Variants in SUSD1 observed in about 807,000 individuals in gnomAD.
The protein encoded by SUSD1 is sushi domain containing 1.
A neutral mutation model predicts 86.9 loss-of-function variants in SUSD1; 65 were observed. That is an observed-to-expected ratio of 0.75 (90% CI 0.61 to 0.92). The LOEUF (loss-of-function observed/expected upper bound fraction) is 0.92, where lower values mean the gene tolerates loss of function less well. Ranked by LOEUF, SUSD1 falls within the 40% of genes least tolerant of loss-of-function variation. The pLI is 0.00. For synonymous variants in SUSD1, 346 were observed against 350.0 expected (o/e 0.99, Z 0.13); for missense variants, 850 against 929.7 (o/e 0.91, Z 1.11).
At chr9:112,052,530 C>A in intron 14 of SUSD1, 92 bp from the exon 15 acceptor site, 1 of 1,397,862 alleles carries the variant, frequency 7.2e-7, no homozygotes, top group South Asian at 1.2e-5. Context: ...TGAGTTTCAG[C>A]TTTTTCAATC....
chr9:112,120,186 A>T (rs939971436), intron 6 of SUSD1, among the ~76,000 whole-genome samples: 1 of 152,194 alleles, frequency 6.6e-6, no homozygotes, highest in Non-Finnish European at 1.5e-5. Flanking sequence ...TCATGTCTGT[A>T]GTCCCAGCTG....
chr9:112,149,426 A>C (rs781177581), intron 2 of SUSD1, 27 bp from the exon 3 acceptor site: 1 of 1,610,008 alleles, frequency 6.2e-7, no homozygotes, highest in Non-Finnish European at 8.5e-7. Flanking sequence ...AAGGCACCGG[A>C]AGAGCTATCA....
chr9:112,127,576 A>G (rs1323442352), intron 5 of SUSD1, among the ~76,000 whole-genome samples: 3 of 149,680 alleles, frequency 2.0e-5, no homozygotes, highest in Admixed American at 7.4e-5. Context: ...AACTTTTAAG[A>G]TCTATGTTCA....
At position 112,052,418 on chromosome 9, in the gene SUSD1, T is replaced by G; in HGVS notation, c.2130A>C (p.Ala710=). The G allele has an allele frequency of 1.2e-6, 2 of 1,614,126 alleles. No homozygotes were observed. Among genetic ancestry groups the G allele is most frequent in the Non-Finnish European group, 1.7e-6 (2 of 1,180,010 alleles). The change falls in exon 15 of 17, where the codon GCA becomes GCC. Residue 710 remains alanine (A), a synonymous_variant. Coordinates refer to ENST00000374270, the MANE Select transcript of SUSD1 (RefSeq NM_022486.5). ...EWNKVRRHSC[A]VWAQVKDSSL... Reference sequence around the variant, plus strand: ...TTTTACCTTTCACCTGAGCCCAAACTGCACAGGAGTGTCTTCTCACCTATA... The same window carrying G: ...TTTTACCTTTCACCTGAGCCCAAACGGCACAGGAGTGTCTTCTCACCTATA...
chr9:112,111,515 G>C (rs1171624438), intron 8 of SUSD1, 139 bp downstream of exon 8: 1 of 1,122,680 alleles, frequency 8.9e-7, no homozygotes, highest in Non-Finnish European at 1.3e-6. Context: ...CTCTAGTTCT[G>C]TGGCTGGAGC....
chr9:112,160,401 G>A lies in SUSD1; in HGVS notation c.104-2788C>T, dbSNP rs140764634. Among the ~76,000 whole-genome samples the A allele has an allele frequency of 4.5e-3, 678 of 152,052 alleles. 3 individuals are homozygous for A. The highest frequency in any genetic ancestry group is 0.015 in the African/African-American group (638 of 41,482). ...TCTCCTAAAAATACAAAAATTAGCC[G>A]GGCGCAGTGGCAGGCAGCTGTACTC... On this transcript the variant is annotated intron_variant, in intron 1 of 16. Coordinates refer to ENST00000374270, the MANE Select transcript of SUSD1 (RefSeq NM_022486.5).
chr9:112,149,495 C>T (rs911029459), intron 2 of SUSD1, 96 bp from the exon 3 acceptor site: 13 of 1,374,694 alleles, frequency 9.5e-6, no homozygotes, highest in African/African-American at 1.4e-5. Flanking sequence ...CGGGAACCAA[C>T]GTTCTGTGAC....
intron 10 of SUSD1, among the ~76,000 whole-genome samples, chr9:112,094,892 C>T (rs1809741126): frequency 6.6e-6 from 1 of 152,220 alleles, no homozygotes. Flanking sequence ...GTGTAGAATT[C>T]TTCAAGCATC....
rs1183053231 is a variant in SUSD1, at chr9:112,113,726, G to T, written c.887-858C>A. On this transcript the variant is annotated intron_variant, in intron 6 of 16. Coordinates refer to ENST00000374270, the MANE Select transcript of SUSD1 (RefSeq NM_022486.5). The surrounding 1 kb of genome is among the most constrained non-coding windows in gnomAD (Gnocchi z 4.1). ...GTTGGCGGATTACCTGAGCTCAGAA[G>T]TTTGAGACCAGCCTGGCCAACATAG... 1.3e-5 allele frequency among the ~76,000 whole-genome samples: 2 copies of T among 152,150 alleles called. No individual in the cohort carries two copies. The highest frequency in any genetic ancestry group is 4.8e-5 in the African/African-American group (2 of 41,440).
chr9:112,154,333 C>CAA (rs1205886713), intron 2 of SUSD1, among the ~76,000 whole-genome samples: 441 of 104,052 alleles, frequency 4.2e-3, no homozygotes, highest in African/African-American at 0.018. Context: ...CACACACACA[C>CAA]ACAAAAAAAA....
At position 112,062,997 on chromosome 9, in the gene SUSD1, T is replaced by C; in HGVS notation, c.1790A>G (p.His597Arg). 6.2e-7 allele frequency: 1 copy of C among 1,613,662 alleles called. No individual in the cohort carries two copies. The highest frequency in any genetic ancestry group is 8.5e-7 in the Non-Finnish European group (1 of 1,179,720). The change falls in exon 13 of 17, where the codon CAC (histidine) becomes CGC (arginine). Residue 597 changes from histidine (H) to arginine (R), a missense_variant. His to Arg is a conservative substitution (Grantham distance 29). Transcript: ENST00000374270. ...PLPEVEFFTV[H>R]RGPLPRLRLR... ...TCTGAGGCGTGGTAGAGGTCCTCTG[T>C]GCACCGTAAAAAATTCTACTTCCGG... is the stretch of plus-strand genomic sequence containing the variant.
At chr9:112,133,614 C>T (rs1041216211) in intron 5 of SUSD1, among the ~76,000 whole-genome samples, 1 of 152,134 alleles carries the variant, frequency 6.6e-6, no homozygotes, top group Non-Finnish European at 1.5e-5. Context: ...TGTAAGAATG[C>T]TGGAAGAAAA....
At chr9:112,098,024 T>C (rs1283846227) in intron 10 of SUSD1, among the ~76,000 whole-genome samples, 2 of 152,204 alleles carry the variant, frequency 1.3e-5, no homozygotes, top group African/African-American at 4.8e-5. Flanking sequence ...CAGGCCTCTG[T>C]TCTCTATGTC....
intron 13 of SUSD1, among the ~76,000 whole-genome samples, chr9:112,059,832 C>T (rs1267717566): frequency 6.6e-6 from 1 of 152,188 alleles, no homozygotes; most frequent in Admixed American, 6.5e-5. Context: ...GCCTCTAGTA[C>T]CATGTTGAGC....
intron 10 of SUSD1, among the ~76,000 whole-genome samples, chr9:112,090,956 A>T (rs1011154420): frequency 6.6e-6 from 1 of 152,214 alleles, no homozygotes; most frequent in Non-Finnish European, 1.5e-5. Context: ...CTTAGAACCC[A>T]TTTAGCTGAA....
At chr9:112,151,892 G>A (rs2131799058) in intron 2 of SUSD1, among the ~76,000 whole-genome samples, 1 of 152,156 alleles carries the variant, frequency 6.6e-6, no homozygotes, top group African/African-American at 2.4e-5. Context: ...AAATTAGCCG[G>A]GCACAGTGGT....
At chr9:112,041,522 C>A (rs769530619) in intron 16 of SUSD1, 30 bp from the exon 17 acceptor site, 1 of 781,032 alleles carries the variant, frequency 1.3e-6, no homozygotes, top group East Asian at 2.4e-5. Context: ...AGAAAAGAGA[C>A]AAATATGAAC....
At chr9:112,080,243 A>C (rs1829707193) in intron 10 of SUSD1, 78 bp from the exon 11 acceptor site, 1 of 1,026,572 alleles carries the variant, frequency 9.7e-7, no homozygotes, top group Admixed American at 1.8e-5. Flanking sequence ...CATTTTTCCA[A>C]GGATAAGTGT....
At chr9:112,156,024 A>C (rs960334820) in intron 2 of SUSD1, among the ~76,000 whole-genome samples, 1 of 151,650 alleles carries the variant, frequency 6.6e-6, no homozygotes, top group Non-Finnish European at 1.5e-5. Flanking sequence ...GAAGGGAGAG[A>C]GAGAGAAGGA....
Sources: gnomAD v4.1 joint callset for allele counts (sites outside exome capture counted in the v4.1 genomes callset) on GRCh38, gnomAD v4.1.1 for gene constraint, Gnocchi (gnomAD v3.1) non-coding constraint, MANE v1.5 for transcripts, NCBI Gene and HGNC (gene_info 2026-07-23, HGNC 2026-07-21) for gene names.